Variants in TIMP2 observed in about 807,000 individuals in gnomAD.
TIMP2 encodes TIMP metallopeptidase inhibitor 2.
A neutral mutation model predicts 24.3 loss-of-function variants in TIMP2; 5 were observed. The observed-to-expected ratio is 0.21, with a 90% confidence interval of 0.11 to 0.43. The LOEUF (loss-of-function observed/expected upper bound fraction) is 0.43, where lower values mean the gene tolerates loss of function less well. Among genes scored for constraint, TIMP2 ranks in the 20% least tolerant of loss-of-function variants. The pLI, the probability that TIMP2 is intolerant of heterozygous loss-of-function variation, is 1.00. For synonymous variants in TIMP2, 130 were observed against 123.2 expected (o/e 1.06, Z -0.37); for missense variants, 221 against 297.5 (o/e 0.74, Z 1.89).
At chr17:78,894,552 G>C (rs974350451) in intron 1 of TIMP2, among the ~76,000 whole-genome samples, 1 of 152,146 alleles carries the variant, frequency 6.6e-6, no homozygotes, top group African/African-American at 2.4e-5. Context: ...TGTGGGGAAA[G>C]AATAGTTTTT....
Position 78,855,461 on chromosome 17 carries a change from G to T in TIMP2, c.*206C>A. The T allele has an allele frequency of 1.6e-6, 1 of 618,110 alleles. No individual in the cohort carries two copies. Among genetic ancestry groups the T allele is most frequent in the South Asian group, 2.0e-5 (1 of 50,132 alleles). 38.3% of individuals were successfully genotyped at this position (618,110 alleles called of 1,614,324 possible). ...GACACATAGTGCCTGGCAGAGGGAG[G>T]ATGGGATGAGGACCTTGGACCCACG... On this transcript the variant is annotated 3_prime_UTR_variant, in exon 5 of 5. Transcript: ENST00000262768. This position sits in a 1 kb window ranked among gnomAD's most constrained non-coding sequence, Gnocchi z 6.0.
chr17:78,906,592 A>AT (rs1019019417), intron 1 of TIMP2, among the ~76,000 whole-genome samples: 5 of 150,174 alleles, frequency 3.3e-5, no homozygotes, highest in South Asian at 2.1e-4. Context: ...TATTTTTATT[A>AT]TTTTTTTTGA....
intron 4 of TIMP2, 142 bp from the exon 5 acceptor site, chr17:78,856,006 T>G: frequency 2.4e-6 from 2 of 845,782 alleles, no homozygotes; most frequent in African/African-American, 3.3e-5. Flanking sequence ...GACCCACGGT[T>G]CCTGCAGGGG....
chr17:78,888,815 CTTGG>C (rs1012812848), intron 1 of TIMP2, among the ~76,000 whole-genome samples: 1 of 152,166 alleles, frequency 6.6e-6, no homozygotes, highest in Non-Finnish European at 1.5e-5. Flanking sequence ...TATTCTGGGT[CTTGG>C]GTCTGGGTGA....
At chr17:78,873,676 T>G (rs1380941895) in intron 2 of TIMP2, 143 bp downstream of exon 2, 1 of 613,690 alleles carries the variant, frequency 1.6e-6, no homozygotes, top group East Asian at 2.9e-5. Context: ...GGAAATCGGA[T>G]CTATTTGCAG....
Position 78,910,262 on chromosome 17 carries a change from G to A in TIMP2, c.130+14697C>T, listed in dbSNP as rs189116783. Among the ~76,000 whole-genome samples, 252 of 150,782 alleles carry A rather than the reference G, an allele frequency of 1.7e-3. 3 individuals are homozygous for A. Among genetic ancestry groups the A allele is most frequent in the African/African-American group, 5.8e-3 (237 of 40,952 alleles). On this transcript the variant is annotated intron_variant, in intron 1 of 4. Transcript: ENST00000262768. ...GGCTAGAGTGTGGTGGCGTGATCTCGGCTCGCTGCAACCTCCACCTCCCGG... is the reference window on the plus strand; with the variant it reads ...GGCTAGAGTGTGGTGGCGTGATCTCAGCTCGCTGCAACCTCCACCTCCCGG...
chr17:78,916,239 C>T (rs2070256826), intron 1 of TIMP2, among the ~76,000 whole-genome samples: 1 of 152,138 alleles, frequency 6.6e-6, no homozygotes. Flanking sequence ...TGTCCCGGAT[C>T]GCTCTGCTGG....
chr17:78,893,160 G>T (rs1308685790), intron 1 of TIMP2, among the ~76,000 whole-genome samples: 3 of 144,220 alleles, frequency 2.1e-5, no homozygotes, highest in Non-Finnish European at 3.0e-5. Context: ...TGTGTGCAGG[G>T]GTGTGTGTGC....
At chr17:78,889,165 G>A (rs1324047248) in intron 1 of TIMP2, among the ~76,000 whole-genome samples, 1 of 152,232 alleles carries the variant, frequency 6.6e-6, no homozygotes, top group Admixed American at 6.5e-5. Flanking sequence ...GCTGGCAAAG[G>A]CTAAAATATT....
intron 1 of TIMP2, among the ~76,000 whole-genome samples, chr17:78,880,691 C>A (rs546546188): frequency 1.3e-5 from 2 of 152,204 alleles, no homozygotes; most frequent in Non-Finnish European, 1.5e-5. Flanking sequence ...AAGAACCAGA[C>A]CCTGCCTTTG....
At chr17:78,902,334 C>G (rs1388657058) in intron 1 of TIMP2, among the ~76,000 whole-genome samples, 1 of 152,230 alleles carries the variant, frequency 6.6e-6, no homozygotes, top group Non-Finnish European at 1.5e-5. Context: ...TTACAAACTC[C>G]TGACCTCAGG....
rs57256110 is a variant in TIMP2, at chr17:78,918,065, A to AACACAC, written c.130+6888_130+6893dup. Among the ~76,000 whole-genome samples, 336 of 144,924 alleles carry AACACAC rather than the reference A, an allele frequency of 2.3e-3. 1 individual carries two copies. Among genetic ancestry groups the AACACAC allele is most frequent in the Middle Eastern group, 7.0e-3 (2 of 286 alleles). ...AAAAACACGTACGCGTGCACACACA[A>AACACAC]ACACACACACACACACACACACACA... On this transcript the variant is annotated intron_variant, in intron 1 of 4. Transcript: ENST00000262768.
rs1321416161 is a variant in TIMP2, at chr17:78,925,035, C to T, written c.54G>A (p.Ala18=). 3 of 1,250,486 alleles carry T rather than the reference C, an allele frequency of 2.4e-6. No homozygotes were observed. The highest frequency in any genetic ancestry group is 3.0e-6 in the Non-Finnish European group (3 of 990,316). 77.5% of individuals were successfully genotyped at this position (1,250,486 alleles called of 1,614,324 possible). A position where few individuals can be genotyped will look rare whatever the true frequency, so the allele number is the denominator to read the frequency against. Residue 18 remains alanine, a synonymous_variant, in exon 1 of 5, where the codon GCG becomes GCA. Coordinates refer to ENST00000262768, the MANE Select transcript of TIMP2 (RefSeq NM_003255.5). ...LRLALGLLLL[A]TLLRPADACS... ...AGGCGTCGGCCGGGCGAAGCAGCGT[C>T]GCCAGCAGCAGGAGGCCGAGCGCCA... is the stretch of plus-strand genomic sequence containing the variant.
intron 1 of TIMP2, among the ~76,000 whole-genome samples, chr17:78,903,816 G>T (rs905650748): frequency 3.3e-5 from 5 of 151,994 alleles, no homozygotes; most frequent in Admixed American, 1.3e-4. Flanking sequence ...CGGTGCAGGG[G>T]GTTTCCAGGA....
intron 1 of TIMP2, chr17:78,892,042 C>T: frequency 1.3e-6 from 2 of 1,550,890 alleles, no homozygotes; most frequent in Non-Finnish European, 1.7e-6. Context: ...GCTGGATGGG[C>T]CCCTGCGAGT....
chr17:78,892,980 A>T (rs567799674), intron 1 of TIMP2, among the ~76,000 whole-genome samples: 97 of 152,252 alleles, frequency 6.4e-4, no homozygotes, highest in East Asian at 7.7e-4. Context: ...TAAAAGAGGA[A>T]GTCTGGGCCT....
chr17:78,913,891 C>T (rs1029984620), intron 1 of TIMP2, among the ~76,000 whole-genome samples: 9 of 93,678 alleles, frequency 9.6e-5, no homozygotes, highest in African/African-American at 3.8e-4. Flanking sequence ...AACTCTGTCT[C>T]GGGGAAAAAA....
At chr17:78,888,353 T>C (rs1234902847) in intron 1 of TIMP2, among the ~76,000 whole-genome samples, 1 of 152,012 alleles carries the variant, frequency 6.6e-6, no homozygotes, top group African/African-American at 2.4e-5. Context: ...AGAGACAGCG[T>C]TTCACAGTGT....
intron 3 of TIMP2, among the ~76,000 whole-genome samples, chr17:78,858,594 C>G (rs1452935211): frequency 6.6e-6 from 1 of 152,180 alleles, no homozygotes; most frequent in African/African-American, 2.4e-5. Context: ...GATCATAGCT[C>G]ACTGCAGCCT....
Sources: gnomAD v4.1 joint callset for allele counts (sites outside exome capture counted in the v4.1 genomes callset) on GRCh38, gnomAD v4.1.1 for gene constraint, Gnocchi (gnomAD v3.1) non-coding constraint, MANE v1.5 for transcripts, NCBI Gene and HGNC (gene_info 2026-07-23, HGNC 2026-07-21) for gene names.